SPATA31F1: variants seen among roughly 807,000 people sequenced by gnomAD.
The protein encoded by SPATA31F1 is protein SPATA31F1.
At chr9:34,723,399 G>C in the SPATA31F1 span, 1 of 1,551,620 alleles carries the variant, frequency 6.4e-7, no homozygotes, top group Non-Finnish European at 8.7e-7. Flanking sequence ...ACCAGCTTCT[G>C]AGCAGGACGA....
At chr9:34,726,421 T>C in the SPATA31F1 span, 229,072 of 1,467,570 alleles carry the variant, frequency 0.16, 25,911 homozygotes, top group African/African-American at 0.36. Context: ...GCAAGGCCAT[T>C]GGATGCATCC....
At chr9:34,728,200 C>A in the SPATA31F1 span, 2 of 869,174 alleles carry the variant, frequency 2.3e-6, no homozygotes, top group African/African-American at 3.4e-5. Flanking sequence ...CTGAAAAGTC[C>A]GTACTCTAAG....
chr9:34,729,484 CT>C, the SPATA31F1 span: 1 of 1,505,738 alleles, frequency 6.6e-7, no homozygotes, highest in Non-Finnish European at 8.9e-7. Flanking sequence ...ATTCAGGGTT[CT>C]GGTGCCTAAT....
chr9:34,723,203 A>C, the SPATA31F1 span: 1 of 1,543,116 alleles, frequency 6.5e-7, no homozygotes, highest in Non-Finnish European at 8.8e-7. Context: ...GAGCGGACCA[A>C]TGTTTCTATC....
chr9:34,724,544 A>T, the SPATA31F1 span: 1 of 1,549,008 alleles, frequency 6.5e-7, no homozygotes, highest in African/African-American at 1.4e-5. Flanking sequence ...TATCTCTAGG[A>T]CCTTTTTTCT....
At chr9:34,724,843 G>A in the SPATA31F1 span, 716 of 1,548,858 alleles carry the variant, frequency 4.6e-4, 3 homozygotes, top group African/African-American at 9.2e-3. Context: ...CCGGGGCCAG[G>A]GCCCTGGGGA....
At chr9:34,724,611 G>T in the SPATA31F1 span, 1 of 1,526,542 alleles carries the variant, frequency 6.6e-7, no homozygotes, top group Non-Finnish European at 8.9e-7. Context: ...GGGCTAGTAG[G>T]ATGCGTCTGG....
chr9:34,725,772 G>C, the SPATA31F1 span: 1 of 1,549,354 alleles, frequency 6.5e-7, no homozygotes, highest in Non-Finnish European at 8.7e-7. Context: ...GGGGAAGAGG[G>C]TGGGGCTGAC....
the SPATA31F1 span, chr9:34,724,218 G>T: frequency 1.5e-5 from 23 of 1,551,506 alleles, no homozygotes; most frequent in East Asian, 2.4e-5. Flanking sequence ...TGAACACAAG[G>T]CATGTGGGCC....
At chr9:34,723,458 A>T in the SPATA31F1 span, 1 of 1,551,764 alleles carries the variant, frequency 6.4e-7, no homozygotes, top group Non-Finnish European at 8.7e-7. Context: ...ACTTCTCCCC[A>T]CAGGGCTCTT....
the SPATA31F1 span, chr9:34,723,211 A>G: frequency 1.3e-6 from 2 of 1,546,890 alleles, no homozygotes; most frequent in Non-Finnish European, 1.7e-6. Flanking sequence ...CAATGTTTCT[A>G]TCTGAGGTGA....
At chr9:34,727,050 G>T in the SPATA31F1 span, 1 of 1,499,648 alleles carries the variant, frequency 6.7e-7, no homozygotes. Flanking sequence ...GGAAGAGTGT[G>T]GGCTGGAGTG....
the SPATA31F1 span, chr9:34,728,062 C>T: frequency 6.4e-7 from 1 of 1,552,002 alleles, no homozygotes; most frequent in Non-Finnish European, 8.7e-7. Context: ...TTCTCAGCTT[C>T]TTCCCGGGAA....
the SPATA31F1 span, chr9:34,724,172 T>G: frequency 2.6e-6 from 4 of 1,551,220 alleles, no homozygotes; most frequent in Non-Finnish European, 3.5e-6. Flanking sequence ...GCCACAGGGT[T>G]CCTCCAGGCT....
the SPATA31F1 span, chr9:34,723,264 C>A: frequency 1.9e-6 from 3 of 1,551,556 alleles, no homozygotes; most frequent in African/African-American, 1.4e-5. Flanking sequence ...TTGGCACAAG[C>A]CTCTCGAGGA....
chr9:34,725,721 C>T, the SPATA31F1 span: 12 of 1,546,186 alleles, frequency 7.8e-6, no homozygotes, highest in Admixed American at 3.9e-5. Flanking sequence ...TTGATCTGAG[C>T]TCGTTGATGG....
chr9:34,723,894 G>A, the SPATA31F1 span: 2 of 1,551,708 alleles, frequency 1.3e-6, no homozygotes, highest in African/African-American at 1.4e-5. Context: ...AGCTGAGGGT[G>A]ATGCTGGGGG....
At chr9:34,724,511 G>A in the SPATA31F1 span, 2 of 1,551,336 alleles carry the variant, frequency 1.3e-6, no homozygotes, top group East Asian at 2.4e-5. Context: ...GGACTTCCTT[G>A]CCCTAATGGG....
At chr9:34,728,506 A>G in the SPATA31F1 span, 29 of 1,121,302 alleles carry the variant, frequency 2.6e-5, no homozygotes, top group Admixed American at 9.3e-5. Context: ...TGGAGTCTTC[A>G]GTGGCAGAGC....
Sources: gnomAD v4.1 joint callset for allele counts on GRCh38, gnomAD v4.1.1 for gene constraint, MANE v1.5 for transcripts, NCBI Gene and HGNC (gene_info 2026-07-23, HGNC 2026-07-21) for gene names.